ATG4B: variants seen among roughly 807,000 people sequenced by gnomAD.
The protein encoded by ATG4B is autophagy related 4B cysteine peptidase.
Under a neutral mutation model 56.6 loss-of-function variants are expected in ATG4B, and 29 were observed. That is an observed-to-expected ratio of 0.51 (90% CI 0.38 to 0.70). ATG4B has a LOEUF of 0.70. Among genes scored for constraint, ATG4B ranks in the 30% least tolerant of loss-of-function variants. ATG4B has a pLI of 0.00. For missense variants in ATG4B, 461 were observed against 515.5 expected, an observed-to-expected ratio of 0.89 and a Z score of 1.02; for synonymous variants, 224 against 206.1, an observed-to-expected ratio of 1.09 and a Z score of -0.74.
At chr2:241,665,948 G>A (rs949467929) in intron 7 of ATG4B, among the ~76,000 whole-genome samples, 1 of 152,208 alleles carries the variant, frequency 6.6e-6, no homozygotes, top group East Asian at 1.9e-4. Flanking sequence ...GATGCTTGAC[G>A]GTTCCACCTT....
At position 241,671,331 on chromosome 2, in the gene ATG4B, C is replaced by A. The variant is rs1466591323; in HGVS notation, c.1034C>A (p.Ala345Asp). ...TAACAGCTGTCTCTGCTTGGAGGTGCCCTGCCCATGTTTGAGCTGGTGGAG... is the reference window on the plus strand; with the variant it reads ...TAACAGCTGTCTCTGCTTGGAGGTGACCTGCCCATGTTTGAGCTGGTGGAG... ...QVKKLSLLGGALPMFELVELQ... is the reference protein window; with the variant it reads ...QVKKLSLLGGDLPMFELVELQ... The change falls in exon 12 of 13, where the codon GCC becomes GAC. Residue 345 changes from alanine to aspartate, a missense_variant. Ala to Asp is a moderately radical substitution (Grantham distance 126). Coordinates refer to ENST00000404914, the MANE Select transcript of ATG4B (RefSeq NM_013325.5). 6.2e-7 allele frequency: 1 copy of A among 1,613,378 alleles called. No individual in the cohort carries two copies. Among genetic ancestry groups the A allele is most frequent in the Non-Finnish European group, 8.5e-7 (1 of 1,179,712 alleles).
rs2067963060 is a variant in ATG4B, at chr2:241,643,460, GCTT to G, written c.10+5740_10+5742del. ...GGGCTCAAGTGATCCTCCCATCTTG[GCTT>G]CTTAAAGTGCTGGGATTACAGGCAT... is the stretch of plus-strand genomic sequence containing the variant. On this transcript the variant is annotated intron_variant, in intron 1 of 12. Transcript: ENST00000404914. Among the ~76,000 whole-genome samples, 7 of 149,720 alleles carry G rather than the reference GCTT, an allele frequency of 4.7e-5. No homozygotes were observed. The South Asian group carries it at 1.5e-3, about 32-fold the overall frequency.
At chr2:241,647,264 G>T (rs533329101) in intron 1 of ATG4B, among the ~76,000 whole-genome samples, 1 of 148,164 alleles carries the variant, frequency 6.7e-6, no homozygotes, top group African/African-American at 2.5e-5. Flanking sequence ...TTGGAACGGT[G>T]TCAAACATGA....
intron 7 of ATG4B, among the ~76,000 whole-genome samples, chr2:241,661,592 AG>A (rs1299646617): frequency 1.3e-5 from 2 of 152,156 alleles, no homozygotes; most frequent in Non-Finnish European, 2.9e-5. Context: ...TTGTGGAAGG[AG>A]CAGTTAGATA....
At chr2:241,654,758 G>C (rs1490132021) in intron 5 of ATG4B, 111 bp downstream of exon 5, 1 of 793,432 alleles carries the variant, frequency 1.3e-6, no homozygotes, top group Non-Finnish European at 2.1e-6. Flanking sequence ...GCAGGAGGCT[G>C]TAAACCTGTA....
At chr2:241,654,345 C>T (rs1291482336) in intron 4 of ATG4B, among the ~76,000 whole-genome samples, 5 of 150,086 alleles carry the variant, frequency 3.3e-5, no homozygotes, top group East Asian at 2.0e-4. Context: ...CGCTTGAACC[C>T]GGGAGGTGGA....
At position 241,643,694 on chromosome 2, in the gene ATG4B, T is replaced by TCCCCCCCC. The variant is rs200143016; in HGVS notation, c.10+5974_10+5981dup. On this transcript the variant is annotated intron_variant, in intron 1 of 12. Transcript: ENST00000404914. The stretch of plus-strand genomic sequence containing the variant: ...TGTGTGTGTGTGTATGTATATATTT[T>TCCCCCCCC]CCCCCCCCCCCGTCGTCCAGGCTGG... Among the ~76,000 whole-genome samples, 8 of 121,900 alleles carry TCCCCCCCC rather than the reference T, an allele frequency of 6.6e-5. 1 individual carries two copies. The highest frequency in any genetic ancestry group is 2.8e-4 in the African/African-American group (8 of 28,494). The allele number at this position is 121,900 out of a possible 152,430, so 80.0% of individuals were successfully genotyped here.
At position 241,666,707 on chromosome 2, in the gene ATG4B, C is replaced by T. The variant is rs1054245776; in HGVS notation, c.601C>T (p.Arg201Trp). 1.2e-5 allele frequency: 20 copies of T among 1,612,852 alleles called. No homozygotes were observed. The highest frequency in any genetic ancestry group is 1.6e-4 in the Middle Eastern group (1 of 6,084). The change falls in exon 8 of 13, where the codon CGG becomes TGG. Residue 201 changes from arginine to tryptophan, a missense_variant. By Grantham distance (101) the Arg-to-Trp change is moderately radical. Transcript: ENST00000404914. Reference protein sequence around the residue: ...GATAFPADSDRHCNGFPAGAE... With the variant: ...GATAFPADSDWHCNGFPAGAE... ...CACTGCGTTTCCTGCAGATTCCGACCGGCACTGCAACGGATTCCCTGCCGG... is the reference window on the plus strand; with the variant it reads ...CACTGCGTTTCCTGCAGATTCCGACTGGCACTGCAACGGATTCCCTGCCGG...
chr2:241,643,663 CGTGTGTGT>C (rs369340875), intron 1 of ATG4B, among the ~76,000 whole-genome samples: 37 of 135,644 alleles, frequency 2.7e-4, no homozygotes, highest in African/African-American at 1.1e-3. Context: ...TATATATATA[CGTGTGTGT>C]GTGTGTGTGT....
At chr2:241,638,734 C>T (rs1301263164) in intron 1 of ATG4B, among the ~76,000 whole-genome samples, 1 of 152,198 alleles carries the variant, frequency 6.6e-6, no homozygotes, top group African/African-American at 2.4e-5. Context: ...CAGCTCACCA[C>T]TTAAATGTGG....
chr2:241,668,042 C>T lies in ATG4B; in HGVS notation c.733-101C>T. On this transcript the variant is annotated intron_variant, in intron 8 of 12. Coordinates refer to ENST00000404914, the MANE Select transcript of ATG4B (RefSeq NM_013325.5). The surrounding 1 kb of genome is among the most constrained non-coding windows in gnomAD (Gnocchi z 4.2). The stretch of plus-strand genomic sequence containing the variant: ...CCCCTCCTGTCCCCTCTTGTGTCAC[C>T]CAGTTGGGCCTCAGCAGGCCCTTGG... 1 of 1,161,842 alleles carries T rather than the reference C, an allele frequency of 8.6e-7. No homozygotes were observed. Among genetic ancestry groups the T allele is most frequent in the Non-Finnish European group, 1.2e-6 (1 of 817,782 alleles). The allele number at this position is 1,161,842 out of a possible 1,614,324, so 72.0% of individuals were successfully genotyped here.
At position 241,661,167 on chromosome 2, in the gene ATG4B, G is replaced by T. The variant is rs568707693; in HGVS notation, c.538+1980G>T. Among the ~76,000 whole-genome samples the T allele has an allele frequency of 3.1e-4, 47 of 152,344 alleles. 1 individual carries two copies. Among genetic ancestry groups the T allele is most frequent in the Middle Eastern group, 3.4e-3 (1 of 294 alleles). Reference sequence around the variant, plus strand: ...AGCCCCTGGGGATGGTGGCTCCCGGGAGGATGTGGAGGCTGCCTGGTCTGA... The same window carrying T: ...AGCCCCTGGGGATGGTGGCTCCCGGTAGGATGTGGAGGCTGCCTGGTCTGA... On this transcript the variant is annotated intron_variant, in intron 7 of 12. Coordinates refer to ENST00000404914, the MANE Select transcript of ATG4B (RefSeq NM_013325.5).
At chr2:241,652,435 A>T (rs903695933) in intron 3 of ATG4B, among the ~76,000 whole-genome samples, 1 of 152,232 alleles carries the variant, frequency 6.6e-6, no homozygotes, top group African/African-American at 2.4e-5. Context: ...GAGGCTGGGG[A>T]TGAGCCTGCA....
intron 1 of ATG4B, among the ~76,000 whole-genome samples, chr2:241,646,048 G>A (rs1368443067): frequency 2.0e-5 from 3 of 152,200 alleles, no homozygotes; most frequent in Admixed American, 2.0e-4. Flanking sequence ...TATACAGTGA[G>A]CAATCTGAGG....
In ATG4B at chr2:241,664,818, G is replaced by T. The variant is rs571985667; in HGVS notation, c.539-1827G>T. Among the ~76,000 whole-genome samples the T allele has an allele frequency of 2.6e-5, 4 of 152,284 alleles. No individual in the cohort carries two copies. In the East Asian group the frequency reaches 7.7e-4, roughly 29 times the overall value. On this transcript the variant is annotated intron_variant, in intron 7 of 12. Transcript: ENST00000404914. The stretch of plus-strand genomic sequence containing the variant: ...GTCTCTACTAAAAATACAAAAATTA[G>T]CTGGGCGTGGTGACACACACCTGTA...
In ATG4B at chr2:241,668,422, C is replaced by T; in HGVS notation, c.812-118C>T. 6.8e-7 allele frequency: 1 copy of T among 1,464,162 alleles called. No homozygotes were observed. The allele number at this position is 1,464,162 out of a possible 1,614,324, so 90.7% of individuals were successfully genotyped here. A position where few individuals can be genotyped will look rare whatever the true frequency, so the allele number is the denominator to read the frequency against. On this transcript the variant is annotated intron_variant, in intron 9 of 12. Transcript: ENST00000404914. This position sits in a 1 kb window ranked among gnomAD's most constrained non-coding sequence, Gnocchi z 4.2. ...TCTGGTGCCCTCGGCTCCCTCCCCA[C>T]CTCCTGCCCACTGCTTCTCAGTGTG...
At chr2:241,665,039 A>G (rs62190293) in intron 7 of ATG4B, among the ~76,000 whole-genome samples, 25,459 of 152,114 alleles carry the variant, frequency 0.17, 2,486 homozygotes, top group Non-Finnish European at 0.22. Flanking sequence ...AGGATTGCTT[A>G]AGTGCAGGTG....
intron 7 of ATG4B, chr2:241,659,540 A>T (rs930561036): frequency 2.2e-5 from 8 of 364,434 alleles, no homozygotes; most frequent in South Asian, 6.2e-5. Context: ...CGACAGAGAG[A>T]TGTAGCAACC....
chr2:241,658,422 C>A (rs917290591), intron 6 of ATG4B, among the ~76,000 whole-genome samples: 1 of 152,158 alleles, frequency 6.6e-6, no homozygotes, highest in Non-Finnish European at 1.5e-5. Flanking sequence ...CCACCCAGCT[C>A]CCCTCCACAG....
Sources: allele counts gnomAD v4.1 joint callset (sites outside exome capture counted in the v4.1 genomes callset), GRCh38; gene constraint gnomAD v4.1.1; non-coding constraint Gnocchi (gnomAD v3.1); transcripts MANE v1.5; gene names NCBI Gene and HGNC (gene_info 2026-07-23, HGNC 2026-07-21).